NBEA: variants seen among roughly 807,000 people sequenced by gnomAD.
NBEA encodes neurobeachin.
NBEA carries 44 observed loss-of-function variants against 343.4 expected under a neutral mutation model. The ratio of observed to expected loss-of-function variants is 0.13; its 90% CI spans 0.10 to 0.16. The LOEUF (loss-of-function observed/expected upper bound fraction) is 0.16, where lower values mean the gene tolerates loss of function less well. Among genes scored for constraint, NBEA ranks in the 10% least tolerant of loss-of-function variants. The pLI is 1.00. For missense variants in NBEA, 2,555 were observed against 3,631.3 expected, an observed-to-expected ratio of 0.70 and a Z score of 7.62; for synonymous variants, 1,175 against 1,238.7, an observed-to-expected ratio of 0.95 and a Z score of 1.08.
intron 31 of NBEA, among the ~76,000 whole-genome samples, chr13:35,204,497 G>GGAAAGACCGGCCC (rs1186421107): frequency 6.6e-6 from 1 of 152,090 alleles, no homozygotes; most frequent in Non-Finnish European, 1.5e-5. Flanking sequence ...GAATAACACA[G>GGAAAGACCGGCCC]GAAAGACCGG....
intron 34 of NBEA, among the ~76,000 whole-genome samples, chr13:35,266,002 G>C (rs1337516977): frequency 6.6e-6 from 1 of 151,692 alleles, no homozygotes; most frequent in African/African-American, 2.4e-5. Context: ...AACTAAGCCA[G>C]AAAACAAATA....
intron 1 of NBEA, among the ~76,000 whole-genome samples, chr13:35,000,480 T>C (rs2061091061): frequency 6.6e-6 from 1 of 151,926 alleles, no homozygotes; most frequent in African/African-American, 2.4e-5. Flanking sequence ...ACCTACAATT[T>C]ACTAAGCATT....
intron 40 of NBEA, among the ~76,000 whole-genome samples, chr13:35,467,167 C>T (rs961064803): frequency 6.6e-6 from 1 of 152,034 alleles, no homozygotes; most frequent in Non-Finnish European, 1.5e-5. Flanking sequence ...ACTGACTGTA[C>T]CATACTTAAA....
At chr13:35,205,739 C>T (rs184362281) in intron 31 of NBEA, among the ~76,000 whole-genome samples, 2 of 152,144 alleles carry the variant, frequency 1.3e-5, no homozygotes, top group East Asian at 3.9e-4. Context: ...TAGCAATACT[C>T]GTAATAGCTA....
intron 13 of NBEA, among the ~76,000 whole-genome samples, chr13:35,114,524 C>T (rs768270574): frequency 6.6e-6 from 1 of 152,126 alleles, no homozygotes; most frequent in Non-Finnish European, 1.5e-5. Context: ...GTTTCTTTGG[C>T]ACTGCCACCC....
intron 38 of NBEA, among the ~76,000 whole-genome samples, chr13:35,420,162 G>C (rs929967124): frequency 2.0e-5 from 3 of 151,916 alleles, no homozygotes; most frequent in African/African-American, 7.3e-5. Context: ...GTACTCTGTT[G>C]AGTAAGAGTG....
chr13:35,248,218 A>G (rs2031485298), intron 34 of NBEA, among the ~76,000 whole-genome samples: 1 of 152,234 alleles, frequency 6.6e-6, no homozygotes, highest in Non-Finnish European at 1.5e-5. Flanking sequence ...ACAAAATACT[A>G]TAAACTGAAT....
intron 11 of NBEA, among the ~76,000 whole-genome samples, chr13:35,106,056 A>G (rs781198893): frequency 5.3e-5 from 8 of 151,988 alleles, no homozygotes; most frequent in African/African-American, 7.2e-5. Context: ...AACTATTTGT[A>G]TAACTTCTTA....
At chr13:35,343,998 T>C (rs1186076464) in intron 36 of NBEA, among the ~76,000 whole-genome samples, 1 of 152,078 alleles carries the variant, frequency 6.6e-6, no homozygotes, top group African/African-American at 2.4e-5. Flanking sequence ...TAGTCCCTGG[T>C]GCCAAAAAGG....
At position 35,030,292 on chromosome 13, in the gene NBEA, TCTA is replaced by T. The variant is rs141564315; in HGVS notation, c.295-10636_295-10634del. ...TTTAACAAATTCTTTTAAATTATGG[TCTA>T]CTACATGTAGATGTTTCATTTCTTA... On this transcript the variant is annotated intron_variant, in intron 1 of 58. Coordinates refer to ENST00000379939, the MANE Select transcript of NBEA (RefSeq NM_001385012.1). Among the ~76,000 whole-genome samples, 1,370 of 151,742 alleles carry T rather than the reference TCTA, an allele frequency of 9.0e-3. 19 individuals carry two copies. The highest frequency in any genetic ancestry group is 0.031 in the African/African-American group (1,293 of 41,506).
At chr13:35,003,390 C>T (rs902473203) in intron 1 of NBEA, among the ~76,000 whole-genome samples, 2 of 152,028 alleles carry the variant, frequency 1.3e-5, no homozygotes, top group South Asian at 2.1e-4. Flanking sequence ...AAAGGGTATG[C>T]AGTATGTGAC....
chr13:35,270,803 G>A (rs982248113), intron 34 of NBEA, among the ~76,000 whole-genome samples: 4 of 152,216 alleles, frequency 2.6e-5, no homozygotes, highest in African/African-American at 9.6e-5. Context: ...TGAGGCTTTA[G>A]TAGGCAGGTA....
rs116078259 is a variant in NBEA, at chr13:35,361,522, C to A, written c.6179+9199C>A. Among the ~76,000 whole-genome samples, 377 of 152,152 alleles carry A rather than the reference C, an allele frequency of 2.5e-3. 2 individuals carry two copies. Among genetic ancestry groups the A allele is most frequent in the African/African-American group, 7.1e-3 (296 of 41,552 alleles). On this transcript the variant is annotated intron_variant, in intron 38 of 58. Transcript: ENST00000379939. ...TCGGAACTTGACCTGCACTGCGGAC[C>A]ATATACAAAACTTAACTCCAAATTG... is the stretch of plus-strand genomic sequence containing the variant.
At chr13:35,164,630 A>G in intron 24 of NBEA, 121 bp downstream of exon 24, 2 of 1,066,000 alleles carry the variant, frequency 1.9e-6, no homozygotes, top group Non-Finnish European at 2.7e-6. Context: ...CAAATTTTTA[A>G]CCATTTAAAT....
intron 1 of NBEA, among the ~76,000 whole-genome samples, chr13:34,975,334 A>C (rs2060128508): frequency 6.6e-6 from 1 of 152,204 alleles, no homozygotes; most frequent in African/African-American, 2.4e-5. Context: ...GATCTTCGAC[A>C]AAGCAAACAA....
intron 36 of NBEA, among the ~76,000 whole-genome samples, chr13:35,342,967 C>A (rs920624643): frequency 1.3e-5 from 2 of 151,674 alleles, no homozygotes; most frequent in African/African-American, 4.8e-5. Context: ...CAATTAAAAA[C>A]CAAATTTCTC....
intron 36 of NBEA, among the ~76,000 whole-genome samples, chr13:35,330,960 CA>C (rs1001456737): frequency 2.6e-5 from 4 of 151,470 alleles, no homozygotes; most frequent in South Asian, 2.1e-4. Context: ...GTTCATCCTT[CA>C]AAAAAAAGTT....
chr13:35,630,576 C>T (rs1473486305), intron 49 of NBEA, among the ~76,000 whole-genome samples: 1 of 152,110 alleles, frequency 6.6e-6, no homozygotes, highest in Non-Finnish European at 1.5e-5. Flanking sequence ...TCATTCGAAG[C>T]ACATAATTGC....
At chr13:35,614,051 A>G (rs898521790) in intron 48 of NBEA, among the ~76,000 whole-genome samples, 1 of 152,196 alleles carries the variant, frequency 6.6e-6, no homozygotes, top group East Asian at 1.9e-4. Flanking sequence ...TCTAACAGGT[A>G]TAAGGTTATA....
Sources: gnomAD v4.1 joint callset for allele counts (sites outside exome capture counted in the v4.1 genomes callset) on GRCh38, gnomAD v4.1.1 for gene constraint, MANE v1.5 for transcripts, NCBI Gene and HGNC (gene_info 2026-07-23, HGNC 2026-07-21) for gene names.